The following SP100 variants were observed in gnomAD, a reference collection of about 807,000 sequenced individuals.
The protein encoded by SP100 is SP100 nuclear body protein, also known as nuclear autoantigen Sp-100.
SP100 carries 84 observed loss-of-function variants against 130.0 expected under a neutral mutation model. The observed-to-expected ratio is 0.65, with a 90% confidence interval of 0.54 to 0.77. SP100 has a LOEUF of 0.77. SP100 is among the 30% of genes least tolerant of loss of function. SP100 has a pLI of 0.00. For synonymous variants in SP100, 331 were observed against 351.7 expected (o/e 0.94, Z 0.66); for missense variants, 978 against 1,052.2 (o/e 0.93, Z 0.97).
chr2:230,500,903 A>G (rs1309783138), intron 19 of SP100, among the ~76,000 whole-genome samples: 6 of 152,162 alleles, frequency 3.9e-5, no homozygotes, highest in Non-Finnish European at 2.9e-5. Context: ...GCTTCATCTA[A>G]TTCCTTGAGG....
chr2:230,430,675 T>C (rs1393919941), intron 2 of SP100, among the ~76,000 whole-genome samples: 1 of 152,246 alleles, frequency 6.6e-6, no homozygotes, highest in African/African-American at 2.4e-5. Context: ...GGCTACGTTC[T>C]ACATTTGGAC....
chr2:230,534,882 G>C (rs1691858317), intron 24 of SP100, among the ~76,000 whole-genome samples: 1 of 152,026 alleles, frequency 6.6e-6, no homozygotes, highest in Non-Finnish European at 1.5e-5. Flanking sequence ...TTGTTATTTT[G>C]CATTGATTCT....
At chr2:230,518,593 T>C (rs1472656243) in intron 24 of SP100, among the ~76,000 whole-genome samples, 1 of 151,916 alleles carries the variant, frequency 6.6e-6, no homozygotes, top group Non-Finnish European at 1.5e-5. Context: ...AGCAAAACTT[T>C]AAGATTATAA....
chr2:230,450,980 C>G (rs1220333876), intron 8 of SP100, among the ~76,000 whole-genome samples: 1 of 152,028 alleles, frequency 6.6e-6, no homozygotes, highest in Non-Finnish European at 1.5e-5. Flanking sequence ...ACAGATGGTC[C>G]CTGATTTATG....
At position 230,504,121 on chromosome 2, in the gene SP100, G is replaced by A. The variant is rs2067190127; in HGVS notation, c.1766-65G>A. 4 of 819,438 alleles carry A rather than the reference G, an allele frequency of 4.9e-6. No individual in the cohort carries two copies. The East Asian group carries it at 9.8e-5, about 20-fold the overall frequency. 50.8% of individuals were successfully genotyped at this position (819,438 alleles called of 1,614,324 possible). On this transcript the variant is annotated intron_variant, in intron 20 of 28. Coordinates refer to ENST00000340126, the MANE Select transcript of SP100 (RefSeq NM_001080391.2). ...ATTATAAAAGAAAGCTCTCAAGACAGGTGGGGAGGGACAATGCACAGTTGT... is the reference window on the plus strand; with the variant it reads ...ATTATAAAAGAAAGCTCTCAAGACAAGTGGGGAGGGACAATGCACAGTTGT...
chr2:230,451,312 T>C (rs1358696277), intron 8 of SP100, among the ~76,000 whole-genome samples: 1 of 152,250 alleles, frequency 6.6e-6, no homozygotes, highest in African/African-American at 2.4e-5. Context: ...TTATCTTTAG[T>C]CTTTTTGATA....
intron 2 of SP100, among the ~76,000 whole-genome samples, chr2:230,424,849 G>C (rs985815683): frequency 2.0e-4 from 30 of 151,658 alleles, no homozygotes; most frequent in African/African-American, 7.3e-4. Context: ...GGTAATAGGG[G>C]CATAATGTAG....
intron 24 of SP100, chr2:230,515,534 C>CA (rs1690867042): frequency 4.4e-6 from 7 of 1,599,920 alleles, no homozygotes; most frequent in Middle Eastern, 1.7e-4. Context: ...CCTAATTCAG[C>CA]AAAAAAGAGA....
rs906396020 is a variant in SP100 at position 230,494,359 on chromosome 2, T to C, written c.1601-57T>C. On this transcript the variant is annotated intron_variant, in intron 17 of 28. Transcript: ENST00000340126. The stretch of plus-strand genomic sequence containing the variant: ...GCTTGTAAACTATTGACATATAAAG[T>C]GTGTAAATCTTTGTTTATAGTTCTA... 7.2e-6 allele frequency: 9 copies of C among 1,251,302 alleles called. No individual in the cohort carries two copies. In the Admixed American group the frequency reaches 1.4e-4, roughly 19 times the overall value. 77.5% of individuals were successfully genotyped at this position (1,251,302 alleles called of 1,614,324 possible).
chr2:230,508,119 C>G, intron 23 of SP100, 88 bp downstream of exon 23: 3 of 1,548,898 alleles, frequency 1.9e-6, no homozygotes, highest in Non-Finnish European at 2.6e-6. Flanking sequence ...TAAATTGACC[C>G]ATCATCATAA....
At chr2:230,511,972 T>A (rs906455258) in intron 24 of SP100, among the ~76,000 whole-genome samples, 2 of 152,112 alleles carry the variant, frequency 1.3e-5, no homozygotes, top group Admixed American at 1.3e-4. Flanking sequence ...GCTTAAGTGA[T>A]CCTCCCACCT....
Position 230,417,632 on chromosome 2 carries a change from A to G in SP100, c.74A>G (p.Asn25Ser), listed in dbSNP as rs1395216616. ...ECISPVANEMNHLPAHSHDLQ... is the reference protein window; with the variant it reads ...ECISPVANEMSHLPAHSHDLQ... ...ATTTCACCAGTAGCAAATGAGATGA[A>G]CCATCTTCCTGCACACAGCCACGAT... Residue 25 changes from asparagine (N) to serine (S), a missense_variant, in exon 2 of 29, where the codon AAC (asparagine) becomes AGC (serine). Physicochemically the swap from Asn to Ser is conservative, Grantham distance 46 (BLOSUM62 1). Transcript: ENST00000340126. The G allele has an allele frequency of 1.2e-6, 2 of 1,613,320 alleles. No homozygotes were observed. The highest frequency in any genetic ancestry group is 1.7e-6 in the Non-Finnish European group (2 of 1,179,800).
chr2:230,468,267 C>A (rs2065061497), intron 13 of SP100, among the ~76,000 whole-genome samples: 1 of 152,078 alleles, frequency 6.6e-6, no homozygotes, highest in African/African-American at 2.4e-5. Flanking sequence ...AGATGTACTT[C>A]AAAGTTCAAA....
intron 24 of SP100, among the ~76,000 whole-genome samples, chr2:230,519,597 G>A (rs189563600): frequency 4.6e-5 from 7 of 152,224 alleles, no homozygotes; most frequent in African/African-American, 1.4e-4. Flanking sequence ...AAGGCATAGG[G>A]GTAGAAGGAG....
intron 17 of SP100, among the ~76,000 whole-genome samples, chr2:230,480,178 A>T (rs2065766396): frequency 6.6e-6 from 1 of 152,156 alleles, no homozygotes; most frequent in Non-Finnish European, 1.5e-5. Flanking sequence ...GCCAGCAAGG[A>T]CTTTGTTTTA....
chr2:230,452,850 G>A (rs76562582), intron 8 of SP100, among the ~76,000 whole-genome samples: 9 of 136,960 alleles, frequency 6.6e-5, no homozygotes, highest in Non-Finnish European at 1.1e-4. Context: ...TGGAGTCTTC[G>A]GGATTTTGTA....
intron 15 of SP100, 178 bp from the exon 16 acceptor site, chr2:230,473,146 T>C: frequency 2.0e-6 from 1 of 493,942 alleles, no homozygotes; most frequent in South Asian, 3.1e-5. Context: ...ATTCTCAGGG[T>C]TATTTATGAA....
intron 18 of SP100, among the ~76,000 whole-genome samples, chr2:230,494,897 G>T (rs1347871822): frequency 4.6e-5 from 7 of 152,200 alleles, no homozygotes; most frequent in Non-Finnish European, 7.3e-5. Flanking sequence ...GAAATATAAC[G>T]CTGGCCGGGC....
At chr2:230,496,066 T>C (rs1407517119) in intron 18 of SP100, among the ~76,000 whole-genome samples, 1 of 152,216 alleles carries the variant, frequency 6.6e-6, no homozygotes, top group Non-Finnish European at 1.5e-5. Flanking sequence ...CTATCTGTCA[T>C]CTTGGTTATA....
Sources: gnomAD v4.1 joint callset for allele counts (sites outside exome capture counted in the v4.1 genomes callset) on GRCh38, gnomAD v4.1.1 for gene constraint, MANE v1.5 for transcripts, NCBI Gene and HGNC (gene_info 2026-07-23, HGNC 2026-07-21) for gene names.